Variants in MPDZ observed in about 807,000 individuals in gnomAD.
The protein encoded by MPDZ is multiple PDZ domain crumbs cell polarity complex component.
A neutral mutation model predicts 239.1 loss-of-function variants in MPDZ; 234 were observed. The observed-to-expected ratio is 0.98, with a 90% CI of 0.88 to 1.09. The LOEUF (loss-of-function observed/expected upper bound fraction) is 1.09, where lower values mean the gene tolerates loss of function less well. Among genes scored for constraint, MPDZ ranks in the 50% least tolerant of loss-of-function variants. MPDZ has a pLI of 0.00. For synonymous variants in MPDZ, 1,048 were observed against 881.3 expected, an observed-to-expected ratio of 1.19 and a Z score of -3.35; for missense variants, 3,175 against 2,510.0, an observed-to-expected ratio of 1.26 and a Z score of -5.66.
At chr9:13,212,212 C>G (rs1023821242) in intron 10 of MPDZ, among the ~76,000 whole-genome samples, 2 of 151,862 alleles carry the variant, frequency 1.3e-5, no homozygotes, top group Admixed American at 1.3e-4. Flanking sequence ...AACTTGATGA[C>G]TTGGATTTTA....
chr9:13,219,614 G>A lies in MPDZ; in HGVS notation c.1031C>T (p.Pro344Leu). ...GGAGAGGGTGATGCCCAAAGCAGTG[G>A]GTGCTGTACGTTCTTCTATGGCACC... ...ARGAIEERTA[P>L]TALGITLSSS... Residue 344 changes from proline (P) to leucine (L), a missense_variant, in exon 8 of 47, where the codon CCC becomes CTC. Coordinates refer to ENST00000319217, the MANE Select transcript of MPDZ (RefSeq NM_001378778.1). 2 of 1,612,268 alleles carry A rather than the reference G, an allele frequency of 1.2e-6. No homozygotes were observed. The highest frequency in any genetic ancestry group is 1.7e-6 in the Non-Finnish European group (2 of 1,179,044).
At chr9:13,206,190 G>T in intron 10 of MPDZ, 91 bp from the exon 11 acceptor site, 1 of 1,208,044 alleles carries the variant, frequency 8.3e-7, no homozygotes, top group Non-Finnish European at 1.1e-6. Context: ...ATAGTTGTTA[G>T]TGTGAAAAGA....
intron 12 of MPDZ, among the ~76,000 whole-genome samples, chr9:13,198,010 G>A (rs1487310033): frequency 6.6e-6 from 1 of 152,074 alleles, no homozygotes; most frequent in East Asian, 1.9e-4. Flanking sequence ...TCGGCACTTA[G>A]GTTGCTTCCA....
chr9:13,149,523 T>G (rs1948879025), intron 25 of MPDZ, among the ~76,000 whole-genome samples: 3 of 152,040 alleles, frequency 2.0e-5, no homozygotes, highest in Non-Finnish European at 4.4e-5. Flanking sequence ...TTCTCTATCC[T>G]TCTAAATAAA....
At chr9:13,132,097 C>A (rs940164596) in intron 32 of MPDZ, among the ~76,000 whole-genome samples, 1 of 152,178 alleles carries the variant, frequency 6.6e-6, no homozygotes, top group African/African-American at 2.4e-5. Context: ...GCGGGCAATA[C>A]ATTGAGGTTC....
intron 24 of MPDZ, among the ~76,000 whole-genome samples, chr9:13,151,432 T>G: frequency 6.6e-6 from 1 of 152,092 alleles, no homozygotes; most frequent in East Asian, 1.9e-4. Flanking sequence ...AAATACTATA[T>G]ACATTCAATA....
rs1016551887 is a variant in MPDZ at position 13,115,707 on chromosome 9, A to G, written c.5380-373T>C. Among the ~76,000 whole-genome samples, 9 of 152,254 alleles carry G rather than the reference A, an allele frequency of 5.9e-5. No individual in the cohort carries two copies. In the South Asian group the frequency reaches 1.0e-3, roughly 18 times the overall value. On this transcript the variant is annotated intron_variant, in intron 39 of 46. Transcript: ENST00000319217. Reference sequence around the variant, plus strand: ...GCGACTGTAATCCCACCACTTTGGGAGGCCGAGGCGGGTGGATCACGAGGT... The same window carrying G: ...GCGACTGTAATCCCACCACTTTGGGGGGCCGAGGCGGGTGGATCACGAGGT...
At chr9:13,247,859 A>G in intron 2 of MPDZ, 58 bp from the exon 3 acceptor site, 1 of 1,446,714 alleles carries the variant, frequency 6.9e-7, no homozygotes, top group Non-Finnish European at 9.4e-7. Context: ...TGTCCAGCCT[A>G]AGAGGACTCC....
intron 21 of MPDZ, among the ~76,000 whole-genome samples, chr9:13,175,182 G>C (rs1389083774): frequency 6.6e-6 from 1 of 152,120 alleles, no homozygotes; most frequent in African/African-American, 2.4e-5. Context: ...ATTGTAATTA[G>C]GATATTTCTA....
At chr9:13,211,688 T>C (rs1319525547) in intron 10 of MPDZ, among the ~76,000 whole-genome samples, 1 of 152,116 alleles carries the variant, frequency 6.6e-6, no homozygotes, top group African/African-American at 2.4e-5. Context: ...AACATAACGA[T>C]CCATGATTAA....
chr9:13,135,867 C>G lies in MPDZ; in HGVS notation c.4383+225G>C, dbSNP rs560526303. 1.1e-5 allele frequency: 4 copies of G among 360,338 alleles called. No individual in the cohort carries two copies. In the East Asian group the frequency reaches 1.8e-4, roughly 16 times the overall value. 22.3% of individuals were successfully genotyped at this position (360,338 alleles called of 1,614,324 possible). On this transcript the variant is annotated intron_variant, in intron 31 of 46. Transcript: ENST00000319217. The stretch of plus-strand genomic sequence containing the variant: ...CAGAGGCAGAACTGATAACTCTTTT[C>G]CTACCCTCACTATTCCCTAGGCAGA...
At chr9:13,240,678 T>G (rs1293953251) in intron 3 of MPDZ, among the ~76,000 whole-genome samples, 4 of 150,204 alleles carry the variant, frequency 2.7e-5, no homozygotes, top group African/African-American at 9.8e-5. Context: ...GTGGGTCAGA[T>G]TATGTTATAC....
chr9:13,172,287 GA>G (rs1380756829), intron 21 of MPDZ, among the ~76,000 whole-genome samples: 1 of 151,910 alleles, frequency 6.6e-6, no homozygotes, highest in African/African-American at 2.4e-5. Flanking sequence ...AAATGAAGCA[GA>G]AAAGTTAAAC....
rs764072715 is a variant in MPDZ at position 13,115,339 on chromosome 9, G to A, written c.5380-5C>T. On this transcript the variant is annotated splice_region_variant and splice_polypyrimidine_tract_variant and intron_variant, in intron 39 of 46. Transcript: ENST00000319217. Reference sequence around the variant, plus strand: ...GGTTACTGTGCCTAGGGAACACTGGGGGTGGGCATGGGGGGTGTTTTATGG... The same window carrying A: ...GGTTACTGTGCCTAGGGAACACTGGAGGTGGGCATGGGGGGTGTTTTATGG... 3.1e-6 allele frequency: 5 copies of A among 1,607,154 alleles called. No homozygotes were observed. The highest frequency in any genetic ancestry group is 2.2e-5 in the South Asian group (2 of 90,934).
chr9:13,205,828 A>T, intron 11 of MPDZ, 88 bp downstream of exon 11: 2 of 1,209,612 alleles, frequency 1.7e-6, no homozygotes, highest in Non-Finnish European at 2.3e-6. Context: ...ATTAAGAACC[A>T]TTCTGAAATA....
intron 10 of MPDZ, 42 bp downstream of exon 10, chr9:13,216,732 A>G: frequency 7.0e-7 from 1 of 1,418,652 alleles, no homozygotes; most frequent in Non-Finnish European, 9.9e-7. Flanking sequence ...ACAATTCTCA[A>G]CCATGAAAAT....
chr9:13,110,423 A>G (rs979927533), intron 44 of MPDZ, among the ~76,000 whole-genome samples: 2 of 152,206 alleles, frequency 1.3e-5, no homozygotes, highest in Non-Finnish European at 2.9e-5. Context: ...TTTTCCCCTT[A>G]AAGTATAAAA....
chr9:13,183,256 C>T (rs1412368390), intron 19 of MPDZ, among the ~76,000 whole-genome samples, 162 bp downstream of exon 19: 2 of 151,904 alleles, frequency 1.3e-5, no homozygotes, highest in African/African-American at 2.4e-5. Flanking sequence ...ATCCAACCAA[C>T]ATTAGCTAAA....
At position 13,112,051 on chromosome 9, in the gene MPDZ, TC is replaced by T. The variant is rs1326986402; in HGVS notation, c.5696del (p.Gly1899GlufsTer26). 6.2e-7 allele frequency: 1 copy of T among 1,613,672 alleles called. No homozygotes were observed. The highest frequency in any genetic ancestry group is 8.5e-7 in the Non-Finnish European group (1 of 1,179,668). On this transcript the variant is annotated frameshift_variant, in exon 43 of 47. Transcript: ENST00000319217. LOFTEE classifies it high-confidence loss of function. ...PIFIAMMHPTGVAAQTQKLRV... is the reference protein window; with the variant it reads ...PIFIAMMHPTXVAAQTQKLRV... The stretch of plus-strand genomic sequence containing the variant: ...TGAGTTTTTGGGTCTGTGCTGCAAC[TC>T]CAGTTGGGTGCATCATTGCAATAAA...
Sources: gnomAD v4.1 joint callset for allele counts (sites outside exome capture counted in the v4.1 genomes callset) on GRCh38, gnomAD v4.1.1 for gene constraint, MANE v1.5 for transcripts, NCBI Gene and HGNC (gene_info 2026-07-23, HGNC 2026-07-21) for gene names.